Variants in CDC42BPA observed in about 807,000 individuals in gnomAD.
CDC42BPA encodes serine/threonine-protein kinase MRCK alpha.
CDC42BPA carries 80 observed loss-of-function variants against 223.5 expected under a neutral mutation model. The observed-to-expected ratio is 0.36, with a 90% CI of 0.30 to 0.43. The LOEUF is 0.43. CDC42BPA is among the 20% of genes least tolerant of loss of function. CDC42BPA has a pLI of 1.00. For synonymous variants in CDC42BPA, 694 were observed against 718.6 expected (o/e 0.97, Z 0.55); for missense variants, 1,743 against 2,099.9 (o/e 0.83, Z 3.32).
intron 1 of CDC42BPA, among the ~76,000 whole-genome samples, chr1:227,259,776 G>A (rs1250719346): frequency 1.3e-5 from 2 of 150,912 alleles, no homozygotes; most frequent in Non-Finnish European, 1.5e-5. Flanking sequence ...TAGCTTAGAA[G>A]TAATAGTTTT....
intron 35 of CDC42BPA, among the ~76,000 whole-genome samples, chr1:226,998,438 A>G (rs1424697076): frequency 1.3e-5 from 2 of 152,218 alleles, no homozygotes; most frequent in Non-Finnish European, 2.9e-5. Context: ...TACTGGTACC[A>G]AAACAGAGAT....
At chr1:227,283,617 C>T (rs1688348652) in intron 1 of CDC42BPA, among the ~76,000 whole-genome samples, 1 of 151,924 alleles carries the variant, frequency 6.6e-6, no homozygotes, top group African/African-American at 2.4e-5. Flanking sequence ...CTCGAGACTC[C>T]AAAGGAAAGA....
chr1:227,207,188 T>C (rs1399038607), intron 3 of CDC42BPA, among the ~76,000 whole-genome samples: 1 of 148,380 alleles, frequency 6.7e-6, no homozygotes, highest in Non-Finnish European at 1.5e-5. Flanking sequence ...CGGTGTTTGG[T>C]TTTTTGTCCT....
intron 1 of CDC42BPA, among the ~76,000 whole-genome samples, chr1:227,276,328 G>C (rs994817264): frequency 6.6e-6 from 1 of 150,394 alleles, no homozygotes; most frequent in Non-Finnish European, 1.5e-5. Flanking sequence ...TGTCTGGGAG[G>C]TGAGGAGCGT....
chr1:227,281,675 C>A, intron 1 of CDC42BPA, among the ~76,000 whole-genome samples: 1 of 146,174 alleles, frequency 6.8e-6, no homozygotes, highest in Non-Finnish European at 1.5e-5. Context: ...CCCTCCCAAC[C>A]ACTAGCCTGA....
chr1:227,026,200 A>C (rs1202404744), intron 30 of CDC42BPA, 48 bp from the exon 31 acceptor site: 7 of 987,678 alleles, frequency 7.1e-6, no homozygotes, highest in Non-Finnish European at 1.1e-5. Context: ...TTTAACTATT[A>C]AACCCCAAAT....
chr1:227,116,045 A>T (rs1002794281), intron 12 of CDC42BPA, among the ~76,000 whole-genome samples: 1 of 152,154 alleles, frequency 6.6e-6, no homozygotes, highest in Admixed American at 6.6e-5. Flanking sequence ...TGAGCAAGTG[A>T]ACTAACTTCT....
rs1660940176 is a variant in CDC42BPA, at chr1:226,993,043, G to A, written c.*1225C>T. On this transcript the variant is annotated 3_prime_UTR_variant, in exon 37 of 37. Transcript: ENST00000366766. ...TTGAGGTTTTACATTATTTGGTAAT[G>A]AAAGCCGTTTTTTCTTCCTTCCCCA... The A allele has an allele frequency of 6.6e-6, 1 of 152,226 alleles. No individual in the cohort carries two copies. Among genetic ancestry groups the A allele is most frequent in the Non-Finnish European group, 1.5e-5 (1 of 68,048 alleles). 9.4% of individuals were successfully genotyped at this position (152,226 alleles called of 1,614,324 possible).
chr1:227,054,378 C>G (rs931428732), intron 21 of CDC42BPA, among the ~76,000 whole-genome samples: 3 of 152,168 alleles, frequency 2.0e-5, no homozygotes, highest in Admixed American at 1.3e-4. Flanking sequence ...AGAAGTTGGG[C>G]ATACTGTCTT....
intron 1 of CDC42BPA, among the ~76,000 whole-genome samples, chr1:227,276,594 G>T (rs1687100717): frequency 1.3e-5 from 2 of 152,214 alleles, no homozygotes; most frequent in Non-Finnish European, 2.9e-5. Flanking sequence ...AGCTCCTTGA[G>T]AGCGGGCCAT....
intron 14 of CDC42BPA, among the ~76,000 whole-genome samples, chr1:227,106,681 T>C (rs115606340): frequency 6.6e-6 from 1 of 152,132 alleles, no homozygotes; most frequent in Non-Finnish European, 1.5e-5. Context: ...CAAGGTCTCT[T>C]GAGTTTTATA....
chr1:227,117,710 T>G (rs750514857), intron 12 of CDC42BPA, among the ~76,000 whole-genome samples: 1 of 150,616 alleles, frequency 6.6e-6, no homozygotes, highest in Non-Finnish European at 1.5e-5. Flanking sequence ...AGATAAAAAT[T>G]TAGGAGAATT....
At position 227,015,371 on chromosome 1, in the gene CDC42BPA, C is replaced by T. The variant is rs148386707; in HGVS notation, c.4857+709G>A. On this transcript the variant is annotated intron_variant, in intron 34 of 36. Transcript: ENST00000366766. ...CTGGGAGGCAAAGGTTGCAGTGAGC[C>T]GAGATCACACCATTGCACTCCAGCC... Among the ~76,000 whole-genome samples the T allele has an allele frequency of 4.2e-3, 634 of 151,234 alleles. 5 individuals carry two copies. Among genetic ancestry groups the T allele is most frequent in the African/African-American group, 0.014 (568 of 41,178 alleles).
chr1:227,219,834 A>C (rs1306543456), intron 2 of CDC42BPA, among the ~76,000 whole-genome samples: 2 of 152,196 alleles, frequency 1.3e-5, no homozygotes, highest in African/African-American at 2.4e-5. Context: ...TAAGCAGTAA[A>C]GCTCATAATC....
At chr1:227,035,743 T>C (rs756484549) in intron 24 of CDC42BPA, 136 bp from the exon 25 acceptor site, 2 of 592,890 alleles carry the variant, frequency 3.4e-6, no homozygotes, top group African/African-American at 1.9e-5. Flanking sequence ...TGTTTTATCA[T>C]TTGGGTAGCT....
intron 2 of CDC42BPA, among the ~76,000 whole-genome samples, chr1:227,238,028 A>G (rs1679379420): frequency 1.4e-5 from 2 of 139,130 alleles, no homozygotes; most frequent in Admixed American, 1.5e-4. Flanking sequence ...AGAAGAGCAA[A>G]ACTCTGTCTC....
At chr1:227,093,965 A>C (rs1683534952) in intron 15 of CDC42BPA, among the ~76,000 whole-genome samples, 1 of 152,202 alleles carries the variant, frequency 6.6e-6, no homozygotes. Context: ...TTTTGCATAA[A>C]TCATTTATTA....
intron 1 of CDC42BPA, among the ~76,000 whole-genome samples, chr1:227,307,724 T>A (rs1027940524): frequency 6.6e-6 from 1 of 152,182 alleles, no homozygotes; most frequent in Non-Finnish European, 1.5e-5. Flanking sequence ...CACCACACGT[T>A]TGTGTCGTAC....
intron 2 of CDC42BPA, among the ~76,000 whole-genome samples, chr1:227,226,747 A>G (rs1220522878): frequency 6.6e-6 from 1 of 152,232 alleles, no homozygotes; most frequent in Non-Finnish European, 1.5e-5. Flanking sequence ...AGACTCATTT[A>G]CTTCCCTCCC....
Sources: allele counts gnomAD v4.1 joint callset (sites outside exome capture counted in the v4.1 genomes callset), GRCh38; gene constraint gnomAD v4.1.1; transcripts MANE v1.5; gene names NCBI Gene and HGNC (gene_info 2026-07-23, HGNC 2026-07-21).